Variants in IL1RAPL2 observed in about 807,000 individuals in gnomAD.
The protein encoded by IL1RAPL2 is X-linked interleukin-1 receptor accessory protein-like 2.
A neutral mutation model predicts 44.1 loss-of-function variants in IL1RAPL2; 3 were observed. The observed-to-expected ratio is 0.07, with a 90% CI of 0.03 to 0.18. The LOEUF (loss-of-function observed/expected upper bound fraction) is 0.18. Among genes scored for constraint, IL1RAPL2 ranks in the 10% least tolerant of loss-of-function variants. The pLI is 1.00. For missense variants in IL1RAPL2, 391 were observed against 496.4 expected (o/e 0.79, Z 2.02); for synonymous variants, 181 against 178.8 (o/e 1.01, Z -0.10).
rs554583960 is a variant in IL1RAPL2, at chrX:105,387,304, G to A, written c.698-97009G>A. Among the ~76,000 whole-genome samples the A allele has an allele frequency of 1.9e-4, 20 of 103,030 alleles. No homozygotes were observed. In the South Asian group the frequency reaches 4.6e-3, roughly 24 times the overall value. The allele number at this position is 103,030 out of a possible 115,157, so 89.5% of individuals were successfully genotyped here. On this transcript the variant is annotated intron_variant, in intron 5 of 10. Transcript: ENST00000372582. ...GGCTGGAGTGCAGTGGTGCAATCTC[G>A]ACTCACTGCAACCTCCACCTCCCTG...
At chrX:104,751,825 A>G (rs1286182482) in intron 2 of IL1RAPL2, among the ~76,000 whole-genome samples, 1 of 111,256 alleles carries the variant, frequency 9.0e-6, no homozygotes, top group Non-Finnish European at 1.9e-5. Context: ...AGGAGTTATG[A>G]TCTGTGTTCA....
At chrX:105,507,060 T>C (rs1320775876) in intron 6 of IL1RAPL2, among the ~76,000 whole-genome samples, 1 of 111,748 alleles carries the variant, frequency 8.9e-6, no homozygotes, top group African/African-American at 3.3e-5. Flanking sequence ...ATGGGTTTCT[T>C]ACGCCTGTAG....
intron 3 of IL1RAPL2, among the ~76,000 whole-genome samples, chrX:105,222,746 TG>T (rs1556183867): frequency 8.9e-6 from 1 of 112,072 alleles, no homozygotes; most frequent in Non-Finnish European, 1.9e-5. Flanking sequence ...CTGAGGATAA[TG>T]CCCAGGTTTC....
At chrX:105,080,573 C>G (rs977599749) in intron 2 of IL1RAPL2, among the ~76,000 whole-genome samples, 9 of 111,637 alleles carry the variant, frequency 8.1e-5, no homozygotes, top group African/African-American at 2.6e-4. Context: ...GTTCATTGGT[C>G]TATATACCTG....
intron 5 of IL1RAPL2, among the ~76,000 whole-genome samples, chrX:105,294,488 TTGC>T (rs1314071024): frequency 8.9e-6 from 1 of 112,083 alleles, no homozygotes; most frequent in Non-Finnish European, 1.9e-5. Context: ...CATGGTCTGT[TTGC>T]TGTGGAACCT....
intron 5 of IL1RAPL2, among the ~76,000 whole-genome samples, chrX:105,342,052 C>T (rs767374920): frequency 4.7e-5 from 5 of 107,004 alleles, no homozygotes; most frequent in South Asian, 4.3e-4. Flanking sequence ...GGTAAACTAT[C>T]GCAAGGACAA....
chrX:104,888,526 C>T (rs1338819905), intron 2 of IL1RAPL2, among the ~76,000 whole-genome samples: 1 of 111,272 alleles, frequency 9.0e-6, no homozygotes, highest in Non-Finnish European at 1.9e-5. Flanking sequence ...TTCCTATTTA[C>T]TCTTTGCCTA....
intron 5 of IL1RAPL2, among the ~76,000 whole-genome samples, chrX:105,290,976 A>G (rs1397370794): frequency 1.8e-5 from 2 of 111,678 alleles, no homozygotes; most frequent in South Asian, 3.7e-4. Flanking sequence ...AGGGCCATCA[A>G]ATGAGATCCA....
At chrX:105,469,833 A>C (rs1012995449) in intron 5 of IL1RAPL2, among the ~76,000 whole-genome samples, 1 of 111,362 alleles carries the variant, frequency 9.0e-6, no homozygotes. Flanking sequence ...TATATACCCC[A>C]TACATAAAGT....
intron 2 of IL1RAPL2, among the ~76,000 whole-genome samples, chrX:105,128,082 T>C (rs2032991766): frequency 9.0e-6 from 1 of 110,782 alleles, no homozygotes; most frequent in Non-Finnish European, 1.9e-5. Context: ...CTATCTCTAA[T>C]TCCTTCTGCT....
At chrX:104,951,049 C>T (rs1019461158) in intron 2 of IL1RAPL2, among the ~76,000 whole-genome samples, 9 of 111,730 alleles carry the variant, frequency 8.1e-5, no homozygotes, top group East Asian at 2.8e-4. Flanking sequence ...GCTCAGGGTG[C>T]GTGCACCCAC....
intron 2 of IL1RAPL2, among the ~76,000 whole-genome samples, chrX:105,135,320 A>G (rs962597107): frequency 9.0e-6 from 1 of 111,348 alleles, no homozygotes; most frequent in African/African-American, 3.3e-5. Context: ...TTCTCCCACA[A>G]AAACTTGTAA....
At chrX:104,688,772 A>G (rs1931036285) in intron 2 of IL1RAPL2, among the ~76,000 whole-genome samples, 1 of 112,254 alleles carries the variant, frequency 8.9e-6, no homozygotes, top group Admixed American at 9.5e-5. Flanking sequence ...TGGCTCTTAT[A>G]TTTTTAAATA....
At chrX:104,595,446 G>A (rs1928746786) in intron 1 of IL1RAPL2, among the ~76,000 whole-genome samples, 1 of 111,325 alleles carries the variant, frequency 9.0e-6, no homozygotes, top group Non-Finnish European at 1.9e-5. Flanking sequence ...ATTTACTATA[G>A]TTGGAGGAAA....
intron 6 of IL1RAPL2, among the ~76,000 whole-genome samples, chrX:105,597,817 G>A (rs962777062): frequency 1.2e-4 from 13 of 111,909 alleles, no homozygotes; most frequent in Non-Finnish European, 1.7e-4. Flanking sequence ...AAGTGTTGGT[G>A]AGGGTGTGGA....
chrX:105,613,008 G>T (rs1366321991), intron 6 of IL1RAPL2, among the ~76,000 whole-genome samples: 3 of 111,736 alleles, frequency 2.7e-5, no homozygotes, highest in South Asian at 7.5e-4. Context: ...TGAGATACCA[G>T]CCAAGGTGGC....
intron 2 of IL1RAPL2, among the ~76,000 whole-genome samples, chrX:104,905,742 C>T (rs922319346): frequency 5.4e-5 from 6 of 111,218 alleles, no homozygotes; most frequent in Non-Finnish European, 1.1e-4. Flanking sequence ...TAGTGTGATG[C>T]CTCCAGCTTT....
chrX:104,695,349 A>G (rs990375210), intron 2 of IL1RAPL2, among the ~76,000 whole-genome samples: 2 of 105,998 alleles, frequency 1.9e-5, no homozygotes, highest in African/African-American at 6.8e-5. Flanking sequence ...GAGAGAGAGA[A>G]AGAGAGAGAG....
At chrX:105,708,442 C>G (rs1015558146) in intron 6 of IL1RAPL2, among the ~76,000 whole-genome samples, 2 of 111,755 alleles carry the variant, frequency 1.8e-5, no homozygotes. Context: ...TGTATTGATT[C>G]ATTTTTTTTC....
Sources: allele counts gnomAD v4.1 joint callset (sites outside exome capture counted in the v4.1 genomes callset), GRCh38; gene constraint gnomAD v4.1.1; transcripts MANE v1.5; gene names NCBI Gene and HGNC (gene_info 2026-07-23, HGNC 2026-07-21).